Variants in CACNB3 observed in about 807,000 individuals in gnomAD.
CACNB3 encodes the protein calcium voltage-gated channel auxiliary subunit beta 3, also known as voltage-dependent L-type calcium channel subunit beta-3.
Under a neutral mutation model 63.7 loss-of-function variants are expected in CACNB3, and 36 were observed. That is an observed-to-expected ratio of 0.57 (90% CI 0.43 to 0.75). CACNB3 has a LOEUF of 0.75. Among genes scored for constraint, CACNB3 ranks in the 30% least tolerant of loss-of-function variants. CACNB3 has a pLI of 0.00. For missense variants in CACNB3, 493 were observed against 648.6 expected (o/e 0.76, Z 2.61); for synonymous variants, 241 against 250.6 (o/e 0.96, Z 0.36).
chr12:48,816,934 T>C (rs1347765353), upstream of CACNB3: 3 of 985,312 alleles, frequency 3.0e-6, no homozygotes, highest in East Asian at 1.1e-4. Context: ...TCCAGGCCCC[T>C]GAAAGAAGGA....
chr12:48,819,491 G>C, intron 1 of CACNB3: 1 of 290,490 alleles, frequency 3.4e-6, no homozygotes, highest in Non-Finnish European at 7.0e-6. Flanking sequence ...AACTTGAGGA[G>C]CTCCATTATT....
chr12:48,814,641 C>T (rs1331133014), upstream of CACNB3: 5 of 1,322,118 alleles, frequency 3.8e-6, no homozygotes, highest in Non-Finnish European at 5.0e-6. The surrounding 1 kb of genome is among the most constrained non-coding windows in gnomAD (Gnocchi z 6.9). Flanking sequence ...CCTGGGGTCT[C>T]CTACTGGGGG....
upstream of CACNB3, chr12:48,815,566 C>T (rs1027155056): frequency 1.3e-6 from 2 of 1,499,168 alleles, no homozygotes; most frequent in African/African-American, 2.8e-5. Context: ...CGGCGGAGCC[C>T]GGCGGGCGTG....
Position 48,826,227 on chromosome 12 carries a change from A to C in CACNB3, c.743-140A>C. 1.3e-6 allele frequency: 1 copy of C among 793,972 alleles called. No individual in the cohort carries two copies. The highest frequency in any genetic ancestry group is 2.4e-5 in the Admixed American group (1 of 41,750). 49.2% of individuals were successfully genotyped at this position (793,972 alleles called of 1,614,324 possible). A position where few individuals can be genotyped will look rare whatever the true frequency, so the allele number is the denominator to read the frequency against. On this transcript the variant is annotated intron_variant, in intron 9 of 12. Transcript: ENST00000301050. The surrounding 1 kb of genome is among the most constrained non-coding windows in gnomAD (Gnocchi z 4.8). ...AACACACCCCTCCTCCTCAATTCCC[A>C]TTCCTCTGCCTGTCCAGGCTTCGAT...
chr12:48,821,367 G>A (rs776764723), intron 1 of CACNB3: 3 of 152,118 alleles, frequency 2.0e-5, no homozygotes, highest in African/African-American at 4.8e-5. Flanking sequence ...GCCTGTAGTC[G>A]TAGCTACTCA....
chr12:48,821,344 C>T (rs558068002), intron 1 of CACNB3: 1 of 152,134 alleles, frequency 6.6e-6, no homozygotes, highest in East Asian at 1.9e-4. Context: ...AACTAGTAGG[C>T]ATGGTAGCGC....
Position 48,827,600 on chromosome 12 carries a change from G to C in CACNB3, c.1156G>C (p.Gly386Arg). Residue 386 changes from glycine to arginine, a missense_variant, in exon 13 of 13, where the codon GGG (glycine) becomes CGG (arginine). Gly to Arg is a moderately radical substitution (Grantham distance 125, BLOSUM62 -2). Transcript: ENST00000301050. ...IPGLQNQQLL[G>R]ERGEEHSPLE... ...TGGCCCCCAGAACCAGCAGCTGCTGGGGGAGCGTGGCGAGGAGCACTCCCC... is the reference window on the plus strand; with the variant it reads ...TGGCCCCCAGAACCAGCAGCTGCTGCGGGAGCGTGGCGAGGAGCACTCCCC... The C allele has an allele frequency of 6.2e-7, 1 of 1,612,706 alleles. No homozygotes were observed. The highest frequency in any genetic ancestry group is 8.5e-7 in the Non-Finnish European group (1 of 1,179,424).
In CACNB3 at chr12:48,818,904, C is replaced by A. The variant is rs956181446; in HGVS notation, c.-26C>A. ...CGGGCCGCTCCCGCCCCCGGCGCCG[C>A]TCGCTCCCCCGACCCGGACTCCCCC... On this transcript the variant is annotated 5_prime_UTR_variant, in exon 1 of 13. Coordinates refer to ENST00000301050, the MANE Select transcript of CACNB3 (RefSeq NM_000725.4). This position sits in a 1 kb window ranked among gnomAD's most constrained non-coding sequence, Gnocchi z 4.3. 1.3e-6 allele frequency: 2 copies of A among 1,557,288 alleles called. No individual in the cohort carries two copies. The highest frequency in any genetic ancestry group is 3.8e-5 in the Admixed American group (2 of 52,246).
At position 48,828,521 on chromosome 12, in the gene CACNB3, T is replaced by C. The variant is rs1355198253; in HGVS notation, c.*622T>C. 2 of 374,276 alleles carry C rather than the reference T, an allele frequency of 5.3e-6. No homozygotes were observed. Among genetic ancestry groups the C allele is most frequent in the Non-Finnish European group, 1.1e-5 (2 of 188,276 alleles). The allele number at this position is 374,276 out of a possible 1,614,324, so 23.2% of individuals were successfully genotyped here. A position where few individuals can be genotyped will look rare whatever the true frequency, so the allele number is the denominator to read the frequency against. Reference sequence around the variant, plus strand: ...AGAGAGAGCTCACAGCTGAAGCTCTTGGAGGGAAGGGCTCTCCTCACCCTG... The same window carrying C: ...AGAGAGAGCTCACAGCTGAAGCTCTCGGAGGGAAGGGCTCTCCTCACCCTG... On this transcript the variant is annotated 3_prime_UTR_variant, in exon 13 of 13. Coordinates refer to ENST00000301050, the MANE Select transcript of CACNB3 (RefSeq NM_000725.4).
Position 48,823,824 on chromosome 12 carries a change from C to T in CACNB3, c.291+21C>T. On this transcript the variant is annotated intron_variant, in intron 3 of 12. Transcript: ENST00000301050. This position sits in a 1 kb window ranked among gnomAD's most constrained non-coding sequence, Gnocchi z 4.2. ...AAGAGGTGATCGACCCCCCTACTTC[C>T]AGAAGCCTCTAACTTCATTTTCTTG... 2 of 1,613,706 alleles carry T rather than the reference C, an allele frequency of 1.2e-6. No individual in the cohort carries two copies. The highest frequency in any genetic ancestry group is 1.7e-6 in the Non-Finnish European group (2 of 1,179,828).
upstream of CACNB3, chr12:48,815,422 G>A: frequency 1.5e-6 from 1 of 678,944 alleles, no homozygotes; most frequent in East Asian, 3.0e-5. Context: ...AGGAGAGACG[G>A]AAGTGGAGAG....
In CACNB3 at chr12:48,825,474, AAC is replaced by A; in HGVS notation, c.618_619del (p.His206GlnfsTer3). ...CAGAAGGCTCTCTTCGACTTCCTCA[AAC>A]ACAGATTTGATGGCAGGTAAGCTGC... On this transcript the variant is annotated frameshift_variant, in exon 8 of 13. Transcript: ENST00000301050. LOFTEE classifies it high-confidence loss of function. The surrounding 1 kb of genome is among the most constrained non-coding windows in gnomAD (Gnocchi z 4.5). 1 of 1,614,178 alleles carries A rather than the reference AAC, an allele frequency of 6.2e-7. No homozygotes were observed. The highest frequency in any genetic ancestry group is 8.5e-7 in the Non-Finnish European group (1 of 1,180,034).
At position 48,826,652 on chromosome 12, in the gene CACNB3, C is replaced by A; in HGVS notation, c.895-107C>A. ...CCTTAACACAACTCTGAGTCATCCTCACCTGCTACTGATGCCACAAGTGGA... is the reference window on the plus strand; with the variant it reads ...CCTTAACACAACTCTGAGTCATCCTAACCTGCTACTGATGCCACAAGTGGA... On this transcript the variant is annotated intron_variant, in intron 10 of 12. Coordinates refer to ENST00000301050, the MANE Select transcript of CACNB3 (RefSeq NM_000725.4). The surrounding 1 kb of genome is among the most constrained non-coding windows in gnomAD (Gnocchi z 4.8). 1.4e-6 allele frequency: 2 copies of A among 1,411,374 alleles called. No homozygotes were observed. Among genetic ancestry groups the A allele is most frequent in the Non-Finnish European group, 1.0e-6 (1 of 1,000,904 alleles). 87.4% of individuals were successfully genotyped at this position (1,411,374 alleles called of 1,614,324 possible).
rs1002443219 is a variant in CACNB3 at position 48,828,808 on chromosome 12, G to C, written c.*909G>C. On this transcript the variant is annotated 3_prime_UTR_variant, in exon 13 of 13. Coordinates refer to ENST00000301050, the MANE Select transcript of CACNB3 (RefSeq NM_000725.4). ...CCGCTTGTTAGGTTAGGGTTAGATG[G>C]GGAGAGACAGGGCACAGAGGACCTG... is the stretch of plus-strand genomic sequence containing the variant. The C allele has an allele frequency of 2.4e-5, 11 of 455,860 alleles. No homozygotes were observed. Among genetic ancestry groups the C allele is most frequent in the East Asian group, 6.9e-5 (1 of 14,400 alleles). 28.2% of individuals were successfully genotyped at this position (455,860 alleles called of 1,614,324 possible). A position where few individuals can be genotyped will look rare whatever the true frequency, so the allele number is the denominator to read the frequency against.
chr12:48,828,600 C>A lies in CACNB3; in HGVS notation c.*701C>A. 2.2e-6 allele frequency: 1 copy of A among 450,212 alleles called. No homozygotes were observed. The highest frequency in any genetic ancestry group is 1.6e-5 in the South Asian group (1 of 63,800). The allele number at this position is 450,212 out of a possible 1,614,324, so 27.9% of individuals were successfully genotyped here. On this transcript the variant is annotated 3_prime_UTR_variant, in exon 13 of 13. Transcript: ENST00000301050. ...CCAGGGACCAGGAGCATGGTGAAGC[C>A]AAGTGGCAGATGGGAGCCAACCTGG...
upstream of CACNB3, chr12:48,815,767 T>A: frequency 1.1e-6 from 1 of 870,480 alleles, no homozygotes; most frequent in Non-Finnish European, 1.8e-6. Flanking sequence ...GGAAGGGGGT[T>A]CCCCACTGGG....
chr12:48,822,559 T>C (rs967198222), intron 1 of CACNB3, among the ~76,000 whole-genome samples: 2 of 152,138 alleles, frequency 1.3e-5, no homozygotes, highest in Non-Finnish European at 2.9e-5. Context: ...ACTAGGGAGA[T>C]GTAGGCCAAG....
At position 48,818,618 on chromosome 12, in the gene CACNB3, C is replaced by A. The variant is rs1287328111; in HGVS notation, c.-312C>A. 2.7e-6 allele frequency: 3 copies of A among 1,113,680 alleles called. No homozygotes were observed. 69.0% of individuals were successfully genotyped at this position (1,113,680 alleles called of 1,614,324 possible). ...CCGGTGGCCGCCGCCCCCTCGCCGCCCCCGCCTTCTCCCGGGGAGGGGGTC... is the reference window on the plus strand; with the variant it reads ...CCGGTGGCCGCCGCCCCCTCGCCGCACCCGCCTTCTCCCGGGGAGGGGGTC... On this transcript the variant is annotated 5_prime_UTR_variant, in exon 1 of 13. Transcript: ENST00000301050. The surrounding 1 kb of genome is among the most constrained non-coding windows in gnomAD (Gnocchi z 4.3).
chr12:48,823,441 C>A lies in CACNB3; in HGVS notation c.143C>A (p.Ala48Asp). 6.2e-7 allele frequency: 1 copy of A among 1,614,110 alleles called. No homozygotes were observed. Among genetic ancestry groups the A allele is most frequent in the Non-Finnish European group, 8.5e-7 (1 of 1,179,992 alleles). Reference protein sequence around the residue: ...ESARREVESQAQQQLERAKHK... With the variant: ...ESARREVESQDQQQLERAKHK... ...GCCCGGCGTGAAGTAGAGAGCCAGGCTCAGCAGCAGCTCGAAAGGGCCAAG... is the reference window on the plus strand; with the variant it reads ...GCCCGGCGTGAAGTAGAGAGCCAGGATCAGCAGCAGCTCGAAAGGGCCAAG... The change falls in exon 2 of 13, where the codon GCT becomes GAT. Residue 48 changes from alanine to aspartate, a missense_variant. Coordinates refer to ENST00000301050, the MANE Select transcript of CACNB3 (RefSeq NM_000725.4). The surrounding 1 kb of genome is among the most constrained non-coding windows in gnomAD (Gnocchi z 4.2).
Sources: allele counts gnomAD v4.1 joint callset (sites outside exome capture counted in the v4.1 genomes callset), GRCh38; gene constraint gnomAD v4.1.1; non-coding constraint Gnocchi (gnomAD v3.1); transcripts MANE v1.5; gene names NCBI Gene and HGNC (gene_info 2026-07-23, HGNC 2026-07-21).